The following ORM1 variants were observed in gnomAD, a reference collection of about 807,000 sequenced individuals.
The protein encoded by ORM1 is alpha-1-acid glycoprotein 1.
Under a neutral mutation model 26.9 loss-of-function variants are expected in ORM1, and 13 were observed. That is an observed-to-expected ratio of 0.48 (90% CI 0.31 to 0.77). The LOEUF (loss-of-function observed/expected upper bound fraction) is 0.77. ORM1 is among the 30% of genes least tolerant of loss of function. The probability of loss-of-function intolerance (pLI) is 0.04; values close to 1 mark genes in which losing one functional copy is unlikely to be tolerated. For synonymous variants in ORM1, 76 were observed against 102.2 expected (o/e 0.74, Z 1.55); for missense variants, 189 against 246.8 (o/e 0.77, Z 1.57).
chr9:114,324,454 A>G (rs1215621655), intron 3 of ORM1, among the ~76,000 whole-genome samples: 1 of 152,150 alleles, frequency 6.6e-6, no homozygotes, highest in Non-Finnish European at 1.5e-5. Context: ...GTCCCCCATC[A>G]CCGCAGAGGT....
At position 114,324,825 on chromosome 9, in the gene ORM1, C is replaced by A. The variant is rs865914175; in HGVS notation, c.364C>A (p.Leu122Ile). ...GQEHFAHLLI[L>I]RDTKTYMLAF... ...AGAGCATTTCGCTCACTTGCTGATC[C>A]TCAGGGACACCAAGACCTACATGCT... Residue 122 changes from leucine (L) to isoleucine (I), a missense_variant, in exon 4 of 6, where the codon CTC becomes ATC. By Grantham distance (5) the Leu-to-Ile change is conservative. Around this residue, in one of 3 missense-constraint regions of ORM1, gnomAD observed 163 missense variants for 157.7 expected, o/e 1.03. Coordinates refer to ENST00000259396, the MANE Select transcript of ORM1 (RefSeq NM_000607.4). 5 of 1,614,162 alleles carry A rather than the reference C, an allele frequency of 3.1e-6. No homozygotes were observed. In the Middle Eastern group the frequency reaches 4.9e-4, roughly 160 times the overall value.
At chr9:114,324,450 C>A (rs1336920755) in intron 3 of ORM1, among the ~76,000 whole-genome samples, 2 of 152,196 alleles carry the variant, frequency 1.3e-5, no homozygotes, top group Non-Finnish European at 2.9e-5. Context: ...CTATGTCCCC[C>A]ATCACCGCAG....
intron 3 of ORM1, 37 bp downstream of exon 3, chr9:114,324,125 G>A (rs1043512935): frequency 6.3e-7 from 1 of 1,592,276 alleles, no homozygotes; most frequent in African/African-American, 1.3e-5. Context: ...GTTCACTGTG[G>A]GAACAGGGCA....
At chr9:114,323,970 C>G (rs185894866) in intron 2 of ORM1, 48 bp from the exon 3 acceptor site, 1 of 1,608,980 alleles carries the variant, frequency 6.2e-7, no homozygotes, top group East Asian at 2.2e-5. Flanking sequence ...CGATTGGCCA[C>G]TTCTCAATAA....
intron 5 of ORM1, 55 bp downstream of exon 5, chr9:114,325,207 C>T: frequency 2.7e-6 from 4 of 1,503,052 alleles, no homozygotes; most frequent in East Asian, 2.3e-5. Flanking sequence ...ACTTGGGCAG[C>T]CCCAGAGGCC....
intron 1 of ORM1, 131 bp downstream of exon 1, chr9:114,323,378 G>A: frequency 6.4e-7 from 1 of 1,551,930 alleles, no homozygotes; most frequent in African/African-American, 1.4e-5. Flanking sequence ...GGTCCCCAGG[G>A]TGAAATTCTC....
At chr9:114,326,073 G>A (rs1313376149) in intron 5 of ORM1, among the ~76,000 whole-genome samples, 1 of 150,262 alleles carries the variant, frequency 6.7e-6, no homozygotes, top group Non-Finnish European at 1.5e-5. Context: ...TGATTCTTAA[G>A]AGTCTGAGCT....
intron 3 of ORM1, 100 bp from the exon 4 acceptor site, chr9:114,324,690 G>A: frequency 1.0e-6 from 1 of 965,866 alleles, no homozygotes; most frequent in East Asian, 2.5e-5. Context: ...CTTCACTGAT[G>A]GGCTGTGTGG....
chr9:114,323,945 C>G (rs529530956), intron 2 of ORM1, 73 bp from the exon 3 acceptor site: 1 of 1,599,590 alleles, frequency 6.3e-7, no homozygotes, highest in Non-Finnish European at 8.6e-7. Context: ...ACTCTTGCCC[C>G]AGGACTGTGA....
intron 1 of ORM1, 58 bp downstream of exon 1, chr9:114,323,305 G>A (rs772891977): frequency 1.2e-6 from 2 of 1,613,510 alleles, no homozygotes; most frequent in Non-Finnish European, 1.7e-6. Flanking sequence ...CCTTCTCTGG[G>A]CTTCCCTTTC....
At chr9:114,324,203 C>A in intron 3 of ORM1, 115 bp downstream of exon 3, 1 of 962,168 alleles carries the variant, frequency 1.0e-6, no homozygotes, top group Non-Finnish European at 1.7e-6. Flanking sequence ...TAACCACTAA[C>A]ATTTTTGAGC....
intron 1 of ORM1, 88 bp downstream of exon 1, chr9:114,323,335 C>A (rs747197287): frequency 3.7e-6 from 6 of 1,610,964 alleles, no homozygotes; most frequent in Non-Finnish European, 5.1e-6. Flanking sequence ...TGTGGTCGGA[C>A]CCCCACTCCC....
rs759350542 is a variant in ORM1 at position 114,324,031 on chromosome 9, A to T, written c.271A>T (p.Ile91Phe). 12 of 1,613,994 alleles carry T rather than the reference A, an allele frequency of 7.4e-6. No individual in the cohort carries two copies. Among genetic ancestry groups the T allele is most frequent in the South Asian group, 4.4e-5 (4 of 91,066 alleles). ...GTTTGGCTTTAGACAGGACCAGTGC[A>T]TCTATAACACCACCTACCTGAATGT... ...REYQTRQDQC[I>F]YNTTYLNVQR... Residue 91 changes from isoleucine to phenylalanine, a missense_variant, in exon 3 of 6, where the codon ATC becomes TTC. Transcript: ENST00000259396.
intron 4 of ORM1, 63 bp downstream of exon 4, chr9:114,324,960 C>A (rs1452254138): frequency 6.3e-7 from 1 of 1,590,334 alleles, no homozygotes; most frequent in Non-Finnish European, 8.6e-7. Context: ...ATTCACCCAC[C>A]CCTGGGCTGG....
intron 2 of ORM1, 92 bp downstream of exon 2, chr9:114,323,897 T>G (rs541512159): frequency 1.2e-6 from 2 of 1,604,730 alleles, no homozygotes; most frequent in African/African-American, 2.7e-5. Context: ...GGCCTTCCCA[T>G]GGGTGGAACC....
At position 114,324,045 on chromosome 9, in the gene ORM1, C is replaced by T. The variant is rs376146322; in HGVS notation, c.285C>T (p.Thr95=). The T allele has an allele frequency of 4.3e-6, 7 of 1,614,046 alleles. No individual in the cohort carries two copies. Among genetic ancestry groups the T allele is most frequent in the Admixed American group, 1.7e-5 (1 of 60,020 alleles). Residue 95 remains threonine (T), a synonymous_variant, in exon 3 of 6, where the codon ACC becomes ACT. Transcript: ENST00000259396. The stretch of plus-strand genomic sequence containing the variant: ...AGGACCAGTGCATCTATAACACCAC[C>T]TACCTGAATGTCCAGCGGGAAAATG... ...TRQDQCIYNT[T]YLNVQRENGT... is the part of the protein sequence containing the mutation.
intron 5 of ORM1, 53 bp from the exon 6 acceptor site, chr9:114,326,239 C>G: frequency 6.3e-7 from 1 of 1,594,350 alleles, no homozygotes; most frequent in Non-Finnish European, 8.5e-7. Context: ...GACCTCCCAC[C>G]CTGTCCCCAT....
At chr9:114,324,580 C>G (rs1829738274) in intron 3 of ORM1, among the ~76,000 whole-genome samples, 1 of 152,196 alleles carries the variant, frequency 6.6e-6, no homozygotes, top group South Asian at 2.1e-4. Context: ...CAGCCACGGT[C>G]TGTGTGAGGC....
In ORM1 at chr9:114,324,865, A is replaced by C; in HGVS notation, c.404A>C (p.Asn135Thr). Residue 135 changes from asparagine (N) to threonine (T), a missense_variant, in exon 4 of 6, where the codon AAC becomes ACC. Asn to Thr is a moderately conservative substitution (Grantham distance 65). This residue lies in a region of ORM1 where 163 missense variants were observed against 157.7 expected (regional missense o/e 1.03). Coordinates refer to ENST00000259396, the MANE Select transcript of ORM1 (RefSeq NM_000607.4). ...TKTYMLAFDV[N>T]DEKNWGLSVY... is the part of the protein sequence containing the mutation. The stretch of plus-strand genomic sequence containing the variant: ...ACCTACATGCTTGCTTTTGACGTGA[A>C]CGATGAGAAGAACTGGGGGCTGTCT... The C allele has an allele frequency of 1.2e-6, 2 of 1,614,156 alleles. No individual in the cohort carries two copies. The highest frequency in any genetic ancestry group is 2.2e-5 in the South Asian group (2 of 91,074).
Sources: allele counts gnomAD v4.1 joint callset (sites outside exome capture counted in the v4.1 genomes callset), GRCh38; gene constraint gnomAD v4.1.1; regional missense constraint gnomAD v4.1.1; transcripts MANE v1.5; gene names NCBI Gene and HGNC (gene_info 2026-07-23, HGNC 2026-07-21).